The following MSI2 variants were observed in gnomAD, a reference collection of about 807,000 sequenced individuals.
The protein encoded by MSI2 is musashi RNA binding protein 2, also known as RNA-binding protein Musashi homolog 2.
In MSI2, 17 loss-of-function variants were observed where a neutral mutation model predicts 45.6. The observed-to-expected ratio is 0.37, with a 90% CI of 0.26 to 0.56. The LOEUF (loss-of-function observed/expected upper bound fraction) is 0.56. Ranked by LOEUF, MSI2 falls within the 20% of genes least tolerant of loss-of-function variation. The pLI, the probability that MSI2 is intolerant of heterozygous loss-of-function variation, is 0.77. For synonymous variants in MSI2, 156 were observed against 158.2 expected (o/e 0.99, Z 0.11); for missense variants, 293 against 444.2 (o/e 0.66, Z 3.06).
the MSI2 span, among the ~76,000 whole-genome samples, chr17:57,694,761 G>A: frequency 2.0e-5 from 3 of 152,086 alleles, no homozygotes; most frequent in South Asian, 6.2e-4. Flanking sequence ...CCCCTTTTTG[G>A]TTTAACCAGA....
chr17:57,413,861 C>T (rs905630368), intron 6 of MSI2, among the ~76,000 whole-genome samples: 12 of 151,918 alleles, frequency 7.9e-5, no homozygotes, highest in African/African-American at 2.7e-4. Context: ...AACAGTCATC[C>T]TTCCTCATTA....
At chr17:57,375,405 T>A (rs2083479791) in intron 5 of MSI2, among the ~76,000 whole-genome samples, 1 of 152,226 alleles carries the variant, frequency 6.6e-6, no homozygotes, top group African/African-American at 2.4e-5. Flanking sequence ...GATGCAGTTC[T>A]GTCTTCAGAG....
intron 6 of MSI2, among the ~76,000 whole-genome samples, chr17:57,497,614 T>C (rs2086006945): frequency 6.6e-6 from 1 of 152,210 alleles, no homozygotes; most frequent in Non-Finnish European, 1.5e-5. Flanking sequence ...AGTCCTGTAC[T>C]TTTTTTAAAG....
At chr17:57,672,505 T>C (rs1912872969) in intron 11 of MSI2, among the ~76,000 whole-genome samples, 1 of 152,200 alleles carries the variant, frequency 6.6e-6, no homozygotes, top group Non-Finnish European at 1.5e-5. Context: ...CTGGCTAGAT[T>C]AGTCTCTAGG....
chr17:57,632,513 T>A, intron 10 of MSI2: 1 of 1,066,760 alleles, frequency 9.4e-7, no homozygotes, highest in East Asian at 5.0e-5. Context: ...GGGCCCCGCC[T>A]TCCCCAGCTC....
rs1913641491 is a variant in MSI2 at position 57,682,104 on chromosome 17, A to G, written c.*2587A>G. The G allele has an allele frequency of 5.0e-6, 1 of 200,260 alleles. No individual in the cohort carries two copies. The allele number at this position is 200,260 out of a possible 1,614,324, so 12.4% of individuals were successfully genotyped here. A position where few individuals can be genotyped will look rare whatever the true frequency, so the allele number is the denominator to read the frequency against. On this transcript the variant is annotated 3_prime_UTR_variant, in exon 14 of 14. Transcript: ENST00000284073. ...GTATAACATAATTAAGGTTTAAAAA[A>G]AATTAGACATAGTTATTCAGATTTA...
intron 7 of MSI2, among the ~76,000 whole-genome samples, chr17:57,592,385 A>T (rs1245308417): frequency 6.6e-6 from 1 of 152,154 alleles, no homozygotes; most frequent in Non-Finnish European, 1.5e-5. Context: ...ATTCATTGTA[A>T]ATGCTAATGC....
At chr17:57,367,599 C>T (rs1013495241) in intron 5 of MSI2, among the ~76,000 whole-genome samples, 3 of 152,124 alleles carry the variant, frequency 2.0e-5, no homozygotes, top group East Asian at 1.9e-4. Context: ...AACAGCAGAC[C>T]GAGCTCCTGG....
At chr17:57,697,996 A>G in the MSI2 span, among the ~76,000 whole-genome samples, 3 of 151,752 alleles carry the variant, frequency 2.0e-5, no homozygotes, top group South Asian at 2.1e-4. Context: ...TCCCACACTC[A>G]CGGCTGTCAC....
intron 5 of MSI2, among the ~76,000 whole-genome samples, chr17:57,292,548 T>C (rs944767919): frequency 2.0e-5 from 3 of 151,890 alleles, no homozygotes; most frequent in Non-Finnish European, 4.4e-5. Flanking sequence ...TCAGAACCCC[T>C]CGGGGGTGCT....
At chr17:57,349,732 C>A (rs1440862082) in intron 5 of MSI2, among the ~76,000 whole-genome samples, 1 of 152,206 alleles carries the variant, frequency 6.6e-6, no homozygotes, top group Non-Finnish European at 1.5e-5. Context: ...TGCTTAGTTC[C>A]AGCCTGTCTG....
intron 11 of MSI2, among the ~76,000 whole-genome samples, chr17:57,656,905 GTC>G (rs1420651840): frequency 6.6e-6 from 1 of 152,166 alleles, no homozygotes; most frequent in Non-Finnish European, 1.5e-5. Context: ...AGTGCCAGAG[GTC>G]TCTCAGAGCT....
chr17:57,264,679 G>A (rs1363011897), intron 5 of MSI2: 1 of 152,248 alleles, frequency 6.6e-6, no homozygotes, highest in Non-Finnish European at 1.5e-5. Context: ...ACTAGTATGA[G>A]CTCATTTTGT....
chr17:57,656,148 A>G (rs913831471), intron 11 of MSI2, among the ~76,000 whole-genome samples: 4 of 152,090 alleles, frequency 2.6e-5, no homozygotes, highest in Non-Finnish European at 5.9e-5. Context: ...AAGGGGCTCC[A>G]TATTTTCAAT....
chr17:57,275,364 C>T (rs534290347), intron 5 of MSI2, among the ~76,000 whole-genome samples: 27 of 152,186 alleles, frequency 1.8e-4, no homozygotes, highest in Middle Eastern at 3.4e-3. Flanking sequence ...TAGGAGGGAG[C>T]GAGGGAGAAC....
At chr17:57,388,212 C>T (rs564668872) in intron 5 of MSI2, among the ~76,000 whole-genome samples, 1 of 152,362 alleles carries the variant, frequency 6.6e-6, no homozygotes, top group South Asian at 2.1e-4. Flanking sequence ...TTTGGCCTCT[C>T]TCTTTTACTA....
At chr17:57,632,365 T>C in intron 10 of MSI2, 1 of 1,066,702 alleles carries the variant, frequency 9.4e-7, no homozygotes, top group African/African-American at 1.6e-5. Flanking sequence ...AGGAGCTATA[T>C]AAACACTATC....
At chr17:57,510,395 CTCT>C (rs1309540651) in intron 6 of MSI2, among the ~76,000 whole-genome samples, 1 of 127,460 alleles carries the variant, frequency 7.8e-6, no homozygotes, top group African/African-American at 2.8e-5. Context: ...TGTTGCACTC[CTCT>C]TGTTTTTTTT....
chr17:57,461,500 T>C (rs2085227704), intron 6 of MSI2, among the ~76,000 whole-genome samples: 1 of 150,274 alleles, frequency 6.7e-6, no homozygotes, highest in Non-Finnish European at 1.5e-5. Flanking sequence ...CGGGCTGCTG[T>C]CGGGAACAGT....
Sources: allele counts gnomAD v4.1 joint callset (sites outside exome capture counted in the v4.1 genomes callset), GRCh38; gene constraint gnomAD v4.1.1; transcripts MANE v1.5; gene names NCBI Gene and HGNC (gene_info 2026-07-23, HGNC 2026-07-21).